The following HAVCR1 variants were observed in gnomAD, a reference collection of about 807,000 sequenced individuals.
HAVCR1 encodes the protein T cell immunoglobin domain and mucin domain protein 1.
In HAVCR1, 34 loss-of-function variants were observed where a neutral mutation model predicts 32.0. That is an observed-to-expected ratio of 1.06 (90% CI 0.81 to 1.42). The LOEUF is 1.42. Among genes scored for constraint, HAVCR1 ranks in the 40% most tolerant of loss-of-function variants. HAVCR1 has a pLI of 0.00. For missense variants in HAVCR1, 420 were observed against 442.3 expected, an observed-to-expected ratio of 0.95 and a Z score of 0.45; for synonymous variants, 178 against 170.3, an observed-to-expected ratio of 1.05 and a Z score of -0.35.
the HAVCR1 span, among the ~76,000 whole-genome samples, chr5:157,068,655 A>ATT: frequency 0.64 from 93,977 of 147,662 alleles, 29,816 homozygotes; most frequent in East Asian, 0.84. Context: ...TTTTTTTTAC[A>ATT]TTTTTTTTTT....
chr5:157,057,581 A>G (rs544220343), intron 2 of HAVCR1, among the ~76,000 whole-genome samples: 7 of 152,070 alleles, frequency 4.6e-5, no homozygotes, highest in Non-Finnish European at 1.0e-4. Flanking sequence ...ACTATTTCCT[A>G]TATACATGTG....
chr5:157,059,176 G>A (rs1457295974), upstream of HAVCR1: 4 of 152,354 alleles, frequency 2.6e-5, no homozygotes, highest in Admixed American at 6.5e-5. Flanking sequence ...ACCCACATGC[G>A]TTAAATCGGG....
intron 7 of HAVCR1, among the ~76,000 whole-genome samples, chr5:157,034,817 G>C (rs1023051614): frequency 6.6e-5 from 10 of 152,052 alleles, no homozygotes; most frequent in Non-Finnish European, 1.3e-4. Flanking sequence ...ATTAAACCTT[G>C]AGTCAACACA....
the HAVCR1 span, among the ~76,000 whole-genome samples, chr5:157,068,502 G>A: frequency 2.0e-5 from 3 of 151,990 alleles, no homozygotes; most frequent in Admixed American, 6.6e-5. Flanking sequence ...TGGGAGGATC[G>A]CTTGGGCCCA....
chr5:157,033,162 T>TA (rs3842063), intron 7 of HAVCR1, among the ~76,000 whole-genome samples: 13 of 151,546 alleles, frequency 8.6e-5, no homozygotes, highest in Non-Finnish European at 1.5e-5. Flanking sequence ...TTCATTTTTT[T>TA]AAAAAAAATG....
the HAVCR1 span, among the ~76,000 whole-genome samples, chr5:157,069,003 GAGA>G: frequency 1.3e-5 from 2 of 152,162 alleles, no homozygotes; most frequent in African/African-American, 4.8e-5. Flanking sequence ...TACAGATAAG[GAGA>G]AGCTCACCAA....
intron 5 of HAVCR1, 63 bp downstream of exon 5, chr5:157,048,975 A>G: frequency 1.0e-6 from 1 of 963,016 alleles, no homozygotes; most frequent in Non-Finnish European, 1.7e-6. Context: ...TGTGCTCTCA[A>G]CAAAGTCAAT....
chr5:157,042,759 A>C, intron 5 of HAVCR1, 77 bp from the exon 6 acceptor site: 1 of 868,780 alleles, frequency 1.2e-6, no homozygotes, highest in Non-Finnish European at 1.9e-6. Flanking sequence ...ATATATTCAC[A>C]TTACCTTCTG....
chr5:157,052,506 C>T lies in HAVCR1; in HGVS notation c.528G>A (p.Thr176=), dbSNP rs1554091894. The T allele has an allele frequency of 7.5e-6, 12 of 1,601,220 alleles. No homozygotes were observed. Among genetic ancestry groups the T allele is most frequent in the South Asian group, 2.2e-5 (2 of 89,694 alleles). ...VPTTMSIPTT[T]TVLTTMTVST... ...AAACAGTCATTGTCGTCAGAACAGTCGTTGTCGTTGGAATGCTCATTGTTG... is the reference window on the plus strand; with the variant it reads ...AAACAGTCATTGTCGTCAGAACAGTTGTTGTCGTTGGAATGCTCATTGTTG... The change falls in exon 4 of 9, where the codon ACG becomes ACA. Residue 176 remains threonine, a synonymous_variant. Transcript: ENST00000523175.
At chr5:157,037,658 T>C (rs1754617261) in intron 6 of HAVCR1, among the ~76,000 whole-genome samples, 1 of 152,226 alleles carries the variant, frequency 6.6e-6, no homozygotes, top group Non-Finnish European at 1.5e-5. Context: ...TGGGTTTGTA[T>C]GTAAATTTTT....
chr5:157,045,992 T>C (rs1241162946), intron 5 of HAVCR1, among the ~76,000 whole-genome samples: 1 of 152,238 alleles, frequency 6.6e-6, no homozygotes, highest in Non-Finnish European at 1.5e-5. Context: ...CTCCTACCAC[T>C]GTTACGTTGT....
At chr5:157,049,227 T>A (rs1755601015) in intron 4 of HAVCR1, 82 bp from the exon 5 acceptor site, 1 of 908,108 alleles carries the variant, frequency 1.1e-6, no homozygotes, top group South Asian at 1.3e-5. Flanking sequence ...AAAACTAGAA[T>A]CAGGAATTAC....
At chr5:157,044,741 C>T (rs1755273696) in intron 5 of HAVCR1, among the ~76,000 whole-genome samples, 1 of 151,804 alleles carries the variant, frequency 6.6e-6, no homozygotes, top group Non-Finnish European at 1.5e-5. Context: ...TAGGTTTATG[C>T]AATATATAGA....
rs778345185 is a variant in HAVCR1 at position 157,055,447 on chromosome 5, TGGATGTG to T, written c.126_132del (p.Thr43CysfsTer46). ...GAACATGAGCCTCTATTCCAGCACA[TGGATGTG>T]ACAGCTCCACTGTAGTGGCAGGGTA... On this transcript the variant is annotated frameshift_variant, in exon 3 of 9. Coordinates refer to ENST00000523175, the MANE Select transcript of HAVCR1 (RefSeq NM_001173393.3). LOFTEE classifies it high-confidence loss of function. The T allele has an allele frequency of 1.4e-5, 22 of 1,611,988 alleles. No individual in the cohort carries two copies. In the South Asian group the frequency reaches 2.3e-4, roughly 17 times the overall value.
rs1286478198 is a variant in HAVCR1, at chr5:157,055,362, T to C, written c.218A>G (p.Lys73Arg). Residue 73 changes from lysine to arginine, a missense_variant, in exon 3 of 9, where the codon AAG (lysine) becomes AGG (arginine). Transcript: ENST00000523175. ...CCCCAATAGCTTATAGCGTGTGTCC[T>C]TCCGATAGGTGACGTGGGTTCCATT... is the stretch of plus-strand genomic sequence containing the variant. The part of the protein sequence containing the change: ...WTNGTHVTYR[K>R]DTRYKLLGDL... 6.2e-7 allele frequency: 1 copy of C among 1,613,742 alleles called. No individual in the cohort carries two copies. Among genetic ancestry groups the C allele is most frequent in the Admixed American group, 1.7e-5 (1 of 59,998 alleles).
intron 2 of HAVCR1, among the ~76,000 whole-genome samples, chr5:157,057,403 GAAAGAAA>G (rs1756245204): frequency 1.6e-5 from 1 of 63,586 alleles, no homozygotes; most frequent in Non-Finnish European, 3.8e-5. Flanking sequence ...AAGAAAGAAA[GAAAGAAA>G]GAAAGAAAGA....
intron 4 of HAVCR1, among the ~76,000 whole-genome samples, chr5:157,051,280 C>T (rs1198436298): frequency 2.0e-5 from 3 of 152,160 alleles, no homozygotes; most frequent in Non-Finnish European, 4.4e-5. Flanking sequence ...ACACCTTTTG[C>T]AATTTCCACT....
chr5:157,046,071 C>T (rs985148515), intron 5 of HAVCR1, among the ~76,000 whole-genome samples: 6 of 152,184 alleles, frequency 3.9e-5, no homozygotes, highest in African/African-American at 9.7e-5. Flanking sequence ...ACTTTCAAAA[C>T]GAAATGTCGC....
At chr5:157,049,218 A>C (rs533885834) in intron 4 of HAVCR1, 73 bp from the exon 5 acceptor site, 10 of 958,186 alleles carry the variant, frequency 1.0e-5, no homozygotes, top group African/African-American at 3.2e-5. Context: ...ATAAAGAACA[A>C]AACTAGAATC....
Sources: gnomAD v4.1 joint callset for allele counts (sites outside exome capture counted in the v4.1 genomes callset) on GRCh38, gnomAD v4.1.1 for gene constraint, MANE v1.5 for transcripts, NCBI Gene and HGNC (gene_info 2026-07-23, HGNC 2026-07-21) for gene names.